The following PLGRKT variants were observed in gnomAD, a reference collection of about 807,000 sequenced individuals.
The protein encoded by PLGRKT is plasminogen receptor with a C-terminal lysine, also known as plasminogen receptor (KT).
In PLGRKT, 22 loss-of-function variants were observed where a neutral mutation model predicts 18.5. That is an observed-to-expected ratio of 1.19 (90% CI 0.85 to 1.70). The LOEUF (loss-of-function observed/expected upper bound fraction) is 1.70. PLGRKT is among the 40% of genes most tolerant of loss of function. The probability of loss-of-function intolerance (pLI) is 0.00; values close to 1 mark genes in which losing one functional copy is unlikely to be tolerated. For missense variants in PLGRKT, 235 were observed against 174.4 expected (o/e 1.35, Z -1.96); for synonymous variants, 72 against 52.8 (o/e 1.36, Z -1.58).
Position 5,392,058 on chromosome 9 carries a change from A to G in PLGRKT, c.82-30170T>C, listed in dbSNP as rs901022401. ...ATGTACCATGAGACCTAGAGGGGGA[A>G]AGTGTGTGAGGCAGCAACAAGGCTA... On this transcript the variant is annotated intron_variant, in intron 3 of 5. Transcript: ENST00000223864. 2.0e-4 allele frequency among the ~76,000 whole-genome samples: 31 copies of G among 151,934 alleles called. 1 individual carries two copies. Among genetic ancestry groups the G allele is most frequent in the Non-Finnish European group, 2.9e-5 (2 of 68,032 alleles).
intron 3 of PLGRKT, among the ~76,000 whole-genome samples, chr9:5,383,864 G>C (rs1168952923): frequency 6.6e-6 from 1 of 152,220 alleles, no homozygotes; most frequent in East Asian, 1.9e-4. Flanking sequence ...CCAGGGGTTG[G>C]GGATCCTAGA....
At position 5,385,797 on chromosome 9, in the gene PLGRKT, C is replaced by A. The variant is rs1241711990; in HGVS notation, c.82-23909G>T. 2.6e-5 allele frequency among the ~76,000 whole-genome samples: 4 copies of A among 151,996 alleles called. No homozygotes were observed. In the East Asian group the frequency reaches 5.8e-4, roughly 22 times the overall value. On this transcript the variant is annotated intron_variant, in intron 3 of 5. Transcript: ENST00000223864. ...TCTGTATGCCTTTCGAGCAAAGACACTGACAGTGTTTCCTCCAGAATATAT... is the reference window on the plus strand; with the variant it reads ...TCTGTATGCCTTTCGAGCAAAGACAATGACAGTGTTTCCTCCAGAATATAT...
At chr9:5,379,696 G>A (rs1307700255) in intron 3 of PLGRKT, among the ~76,000 whole-genome samples, 1 of 152,132 alleles carries the variant, frequency 6.6e-6, no homozygotes, top group Non-Finnish European at 1.5e-5. Context: ...AACTTCATTT[G>A]TAGTAGAAAA....
intron 3 of PLGRKT, among the ~76,000 whole-genome samples, chr9:5,379,775 T>C (rs1002671971): frequency 1.3e-5 from 2 of 152,212 alleles, no homozygotes; most frequent in Non-Finnish European, 2.9e-5. Flanking sequence ...TATCCTTTGT[T>C]GGTGAGAGTG....
intron 3 of PLGRKT, 98 bp from the exon 4 acceptor site, chr9:5,361,986 C>T (rs1817277950): frequency 1.7e-6 from 2 of 1,185,258 alleles, no homozygotes; most frequent in Admixed American, 2.4e-5. Context: ...TCTTCAATTG[C>T]TTTAATTCAT....
intron 3 of PLGRKT, among the ~76,000 whole-genome samples, chr9:5,369,195 T>G (rs960469965): frequency 1.3e-5 from 2 of 152,188 alleles, no homozygotes; most frequent in Non-Finnish European, 2.9e-5. Context: ...AGAAAATTTT[T>G]GCAATCTACT....
chr9:5,423,152 C>G (rs1008206520), intron 3 of PLGRKT, among the ~76,000 whole-genome samples: 3 of 152,166 alleles, frequency 2.0e-5, no homozygotes, highest in African/African-American at 7.2e-5. Context: ...CTAGAATTCT[C>G]AGTTCCTAAC....
intron 3 of PLGRKT, among the ~76,000 whole-genome samples, chr9:5,389,605 G>A (rs1252451250): frequency 1.3e-5 from 2 of 151,826 alleles, no homozygotes; most frequent in Non-Finnish European, 1.5e-5. Flanking sequence ...AACTGATCTA[G>A]GAAGACCCCA....
At chr9:5,405,797 A>T (rs564623367) in intron 3 of PLGRKT, among the ~76,000 whole-genome samples, 1 of 152,246 alleles carries the variant, frequency 6.6e-6, no homozygotes, top group Non-Finnish European at 1.5e-5. Context: ...ACAGCAAATG[A>T]AACTATCATC....
chr9:5,385,224 G>C (rs1817819509), intron 3 of PLGRKT, among the ~76,000 whole-genome samples: 1 of 152,116 alleles, frequency 6.6e-6, no homozygotes, highest in African/African-American at 2.4e-5. Context: ...TATTAAAACA[G>C]TAAATAAGTA....
intron 3 of PLGRKT, among the ~76,000 whole-genome samples, chr9:5,365,530 C>A (rs1392110619): frequency 1.3e-5 from 2 of 152,180 alleles, no homozygotes; most frequent in South Asian, 2.1e-4. Flanking sequence ...GTTACTTGCT[C>A]CCAATGAAAA....
intron 3 of PLGRKT, among the ~76,000 whole-genome samples, chr9:5,407,226 A>G (rs1427352440): frequency 1.3e-5 from 2 of 152,220 alleles, no homozygotes; most frequent in African/African-American, 4.8e-5. Context: ...TGACAAAATT[A>G]TCTTACCATA....
rs1321792687 is a variant in PLGRKT at position 5,361,195 on chromosome 9, A to G, written c.213-8T>C. ...TTCTTTTTTTTAATCGCTCTGTTTC[A>G]AGAATTAAAAGAAGAACCAATATCA... is the stretch of plus-strand genomic sequence containing the variant. On this transcript the variant is annotated splice_region_variant and splice_polypyrimidine_tract_variant and intron_variant, in intron 4 of 5. Coordinates refer to ENST00000223864, the MANE Select transcript of PLGRKT (RefSeq NM_018465.4). The G allele has an allele frequency of 4.7e-6, 7 of 1,504,922 alleles. No individual in the cohort carries two copies. The highest frequency in any genetic ancestry group is 5.5e-6 in the Non-Finnish European group (6 of 1,089,376). The allele number at this position is 1,504,922 out of a possible 1,614,324, so 93.2% of individuals were successfully genotyped here. A position where few individuals can be genotyped will look rare whatever the true frequency, so the allele number is the denominator to read the frequency against.
chr9:5,363,223 T>C (rs1176803380), intron 3 of PLGRKT, among the ~76,000 whole-genome samples: 1 of 151,876 alleles, frequency 6.6e-6, no homozygotes, highest in East Asian at 2.0e-4. Flanking sequence ...AGTGCTTTTC[T>C]GCTTTGTTTT....
At chr9:5,381,769 T>C (rs1315974704) in intron 3 of PLGRKT, 3 of 466,184 alleles carry the variant, frequency 6.4e-6, no homozygotes, top group African/African-American at 6.4e-5. Flanking sequence ...AGTAGGATTT[T>C]ATTGTTTGGA....
At chr9:5,424,086 A>G (rs1053877265) in intron 3 of PLGRKT, among the ~76,000 whole-genome samples, 9 of 144,036 alleles carry the variant, frequency 6.2e-5, no homozygotes, top group African/African-American at 2.3e-4. Context: ...TGTATAATAT[A>G]TAATATATAT....
intron 5 of PLGRKT, among the ~76,000 whole-genome samples, chr9:5,360,146 A>T (rs1018671008): frequency 5.9e-5 from 9 of 152,248 alleles, no homozygotes; most frequent in Non-Finnish European, 1.0e-4. Context: ...TTTGAGAATG[A>T]TGTAAACAAC....
At chr9:5,399,966 G>T (rs1328980027) in intron 3 of PLGRKT, among the ~76,000 whole-genome samples, 1 of 151,502 alleles carries the variant, frequency 6.6e-6, no homozygotes, top group Non-Finnish European at 1.5e-5. Context: ...CTCCAGTCTG[G>T]GCGACAGAGT....
intron 3 of PLGRKT, among the ~76,000 whole-genome samples, chr9:5,413,796 G>T (rs139280935): frequency 1.3e-5 from 2 of 152,282 alleles, no homozygotes; most frequent in Non-Finnish European, 2.9e-5. Context: ...AACTAATACA[G>T]TGTACATACA....
Sources: gnomAD v4.1 joint callset for allele counts (sites outside exome capture counted in the v4.1 genomes callset) on GRCh38, gnomAD v4.1.1 for gene constraint, MANE v1.5 for transcripts, NCBI Gene and HGNC (gene_info 2026-07-23, HGNC 2026-07-21) for gene names.